RBBP6: variants seen among roughly 807,000 people sequenced by gnomAD.
RBBP6 encodes the protein RB binding protein 6, ubiquitin ligase, also known as E3 ubiquitin-protein ligase RBBP6.
In RBBP6, 25 loss-of-function variants were observed where a neutral mutation model predicts 167.7. The observed-to-expected ratio is 0.15, with a 90% CI of 0.11 to 0.21. RBBP6 has a LOEUF of 0.21. RBBP6 is among the 10% of genes least tolerant of loss of function. RBBP6 has a pLI of 1.00. For missense variants in RBBP6, 1,868 were observed against 2,134.2 expected (o/e 0.88, Z 2.46); for synonymous variants, 789 against 735.8 (o/e 1.07, Z -1.17).
intron 15 of RBBP6, 63 bp downstream of exon 15, chr16:24,567,568 G>A (rs2141476833): frequency 6.7e-7 from 1 of 1,501,114 alleles, no homozygotes; most frequent in Non-Finnish European, 8.9e-7. Context: ...ACATTAAATA[G>A]GTGTCTGGAA....
chr16:24,558,399 CTTT>C, intron 7 of RBBP6: 1 of 262,182 alleles, frequency 3.8e-6, no homozygotes, highest in African/African-American at 5.1e-5. Flanking sequence ...TTTTTTTTTT[CTTT>C]TTTCTCTCTT....
At chr16:24,541,181 C>CAAAAAAAAAAAAA in intron 1 of RBBP6, among the ~76,000 whole-genome samples, 1 of 58,026 alleles carries the variant, frequency 1.7e-5, no homozygotes, top group Non-Finnish European at 3.5e-5. Context: ...GTTCAATCAG[C>CAAAAAAAAAAAAA]AAAAAAAAAA....
intron 14 of RBBP6, among the ~76,000 whole-genome samples, chr16:24,566,740 T>G (rs1238237272): frequency 1.3e-5 from 2 of 152,108 alleles, no homozygotes; most frequent in East Asian, 3.9e-4. Flanking sequence ...AGACTCTGTC[T>G]CAAAAAATAA....
chr16:24,561,948 G>A lies in RBBP6; in HGVS notation c.1076G>A (p.Arg359Lys). Residue 359 changes from arginine to lysine, a missense_variant, in exon 10 of 18, where the codon AGA (arginine) becomes AAA (lysine). This residue lies in a region of RBBP6 where 245 missense variants were observed against 240.1 expected (regional missense o/e 1.02). Coordinates refer to ENST00000319715, the MANE Select transcript of RBBP6 (RefSeq NM_006910.5). The stretch of plus-strand genomic sequence containing the variant: ...CAGAGGAACCTACAACCTCTGATGA[G>A]ATCTCCGATATCAAGACAACAAGAT... ...LIQRNLQPLM[R>K]SPISRQQDPL... The A allele has an allele frequency of 6.2e-7, 1 of 1,611,924 alleles. No homozygotes were observed. The highest frequency in any genetic ancestry group is 8.5e-7 in the Non-Finnish European group (1 of 1,179,338).
At position 24,569,171 on chromosome 16, in the gene RBBP6, C is replaced by T. The variant is rs1227488170; in HGVS notation, c.2481C>T (p.Tyr827=). 2 of 1,612,166 alleles carry T rather than the reference C, an allele frequency of 1.2e-6. No homozygotes were observed. The highest frequency in any genetic ancestry group is 2.7e-5 in the African/African-American group (2 of 74,676). Residue 827 remains tyrosine, a synonymous_variant, in exon 17 of 18, where the codon TAC becomes TAT. Coordinates refer to ENST00000319715, the MANE Select transcript of RBBP6 (RefSeq NM_006910.5). ...DFRDPFEKER[Y]REWERKYREW... ...GAGACCCATTTGAAAAAGAACGCTA[C>T]CGAGAATGGGAGAGAAAATATAGAG...
chr16:24,564,945 G>A (rs904811903), intron 14 of RBBP6, 80 bp downstream of exon 14: 5 of 1,517,484 alleles, frequency 3.3e-6, no homozygotes, highest in East Asian at 2.5e-5. Flanking sequence ...AAGCACAGCA[G>A]TGGCAGGAAG....
In RBBP6 at chr16:24,571,222, C is replaced by A; in HGVS notation, c.4156C>A (p.Gln1386Lys). The A allele has an allele frequency of 6.2e-7, 1 of 1,613,142 alleles. No individual in the cohort carries two copies. The highest frequency in any genetic ancestry group is 8.5e-7 in the Non-Finnish European group (1 of 1,179,792). ...FTKDVSHEII[Q>K]HEVKSSKNSA... ...CAAGGACGTGAGCCATGAAATCATA[C>A]AACATGAGGTTAAAAGTTCAAAAAA... Residue 1386 changes from glutamine (Q) to lysine (K), a missense_variant, in exon 18 of 18, where the codon CAA becomes AAA. Physicochemically the swap from Gln to Lys is moderately conservative, Grantham distance 53. Coordinates refer to ENST00000319715, the MANE Select transcript of RBBP6 (RefSeq NM_006910.5).
At chr16:24,553,182 A>G (rs747109783) in intron 3 of RBBP6, 5 of 199,650 alleles carry the variant, frequency 2.5e-5, no homozygotes, top group Non-Finnish European at 5.1e-5. Flanking sequence ...TCCAGTGTAC[A>G]TTGTCTTGAG....
intron 3 of RBBP6, chr16:24,549,397 G>A (rs555698743): frequency 3.7e-5 from 37 of 1,002,880 alleles, no homozygotes; most frequent in Non-Finnish European, 4.3e-5. Context: ...AATGTTTGGA[G>A]TGTATATTTT....
chr16:24,547,239 C>G (rs1898680571), intron 2 of RBBP6, among the ~76,000 whole-genome samples: 1 of 152,134 alleles, frequency 6.6e-6, no homozygotes, highest in African/African-American at 2.4e-5. Flanking sequence ...CTCATATGGG[C>G]AAGTATTCTA....
chr16:24,546,332 CTG>C lies in RBBP6; in HGVS notation c.266+72_266+73del, dbSNP rs982878904. The C allele has an allele frequency of 5.3e-5, 75 of 1,414,892 alleles. No individual in the cohort carries two copies. The Middle Eastern group carries it at 1.5e-3, about 29-fold the overall frequency. The allele number at this position is 1,414,892 out of a possible 1,614,324, so 87.6% of individuals were successfully genotyped here. A position where few individuals can be genotyped will look rare whatever the true frequency, so the allele number is the denominator to read the frequency against. On this transcript the variant is annotated intron_variant, in intron 2 of 17. Coordinates refer to ENST00000319715, the MANE Select transcript of RBBP6 (RefSeq NM_006910.5). ...GTTTTTTTAATTTTGTGAGAAAAAACTGTATTTTAGAACTGAACTCATTACTT... is the reference window on the plus strand; with the variant it reads ...GTTTTTTTAATTTTGTGAGAAAAAACTATTTTAGAACTGAACTCATTACTT...
rs111683024 is a variant in RBBP6, at chr16:24,548,562, G to A, written c.267-383G>A. 5.5e-3 allele frequency among the ~76,000 whole-genome samples: 831 copies of A among 152,228 alleles called. 6 individuals carry two copies. Among genetic ancestry groups the A allele is most frequent in the African/African-American group, 0.019 (787 of 41,544 alleles). On this transcript the variant is annotated intron_variant, in intron 2 of 17. Coordinates refer to ENST00000319715, the MANE Select transcript of RBBP6 (RefSeq NM_006910.5). ...AAATGTTAACAACAGCAGTCTTCCT[G>A]ATGTGTGAAAATTTACGCATTCAGA...
chr16:24,547,471 G>GT (rs1357095693), intron 2 of RBBP6, among the ~76,000 whole-genome samples: 3 of 151,934 alleles, frequency 2.0e-5, no homozygotes, highest in Non-Finnish European at 4.4e-5. Flanking sequence ...GTTTTGTTTT[G>GT]TTTTTTCCTG....
chr16:24,545,213 A>G (rs919985621), intron 1 of RBBP6, among the ~76,000 whole-genome samples: 5 of 151,964 alleles, frequency 3.3e-5, no homozygotes, highest in African/African-American at 1.2e-4. Context: ...CTGGGACTAC[A>G]GGCGCCCACC....
rs769214931 is a variant in RBBP6 at position 24,569,530 on chromosome 16, G to A, written c.2840G>A (p.Gly947Asp). Reference sequence around the variant, plus strand: ...AGAAGAAAAGGGGAGGAAAGTGAGGGTTTTCTGAACCCAGAGTTATTAGAG... The same window carrying A: ...AGAAGAAAAGGGGAGGAAAGTGAGGATTTTCTGAACCCAGAGTTATTAGAG... ...RKRRKGEESE[G>D]FLNPELLETS... Residue 947 changes from glycine to aspartate, a missense_variant, in exon 17 of 18, where the codon GGT becomes GAT. Around this residue, in one of 7 missense-constraint regions of RBBP6, gnomAD observed 673 missense variants for 691.5 expected, o/e 0.97. Transcript: ENST00000319715. The A allele has an allele frequency of 1.3e-6, 2 of 1,557,574 alleles. No homozygotes were observed. The highest frequency in any genetic ancestry group is 1.1e-5 in the South Asian group (1 of 89,054).
intron 7 of RBBP6, among the ~76,000 whole-genome samples, chr16:24,558,100 C>A (rs1477538217): frequency 6.6e-6 from 1 of 152,062 alleles, no homozygotes; most frequent in African/African-American, 2.4e-5. Flanking sequence ...TTTACAGACA[C>A]AATTAAGAGC....
At chr16:24,551,952 T>C (rs1368282816) in intron 3 of RBBP6, among the ~76,000 whole-genome samples, 1 of 151,760 alleles carries the variant, frequency 6.6e-6, no homozygotes, top group East Asian at 1.9e-4. Context: ...AAAAGAGATA[T>C]GTATTATTTA....
intron 8 of RBBP6, 135 bp from the exon 9 acceptor site, chr16:24,561,476 TC>T: frequency 1.4e-6 from 1 of 710,662 alleles, no homozygotes; most frequent in Admixed American, 2.8e-5. Flanking sequence ...AGTTTCTTAA[TC>T]TAAGAAATGA....
chr16:24,549,326 A>G (rs1435253841), intron 3 of RBBP6: 4 of 1,101,706 alleles, frequency 3.6e-6, no homozygotes, highest in African/African-American at 1.6e-5. Context: ...TTGTCTGTCT[A>G]TAGTTAGTAT....
Sources: gnomAD v4.1 joint callset for allele counts (sites outside exome capture counted in the v4.1 genomes callset) on GRCh38, gnomAD v4.1.1 for gene constraint, gnomAD v4.1.1 regional missense constraint, MANE v1.5 for transcripts, NCBI Gene and HGNC (gene_info 2026-07-23, HGNC 2026-07-21) for gene names.